ARID1B: variants seen among roughly 807,000 people sequenced by gnomAD.
ARID1B encodes AT-rich interactive domain-containing protein 1B.
In ARID1B, 30 loss-of-function variants were observed where a neutral mutation model predicts 212.3. That is an observed-to-expected ratio of 0.14 (90% CI 0.11 to 0.19). The LOEUF is 0.19. ARID1B is among the 10% of genes least tolerant of loss of function. The probability of loss-of-function intolerance (pLI) is 1.00; values close to 1 mark genes in which losing one functional copy is unlikely to be tolerated. For missense variants in ARID1B, 2,891 were observed against 3,204.0 expected, an observed-to-expected ratio of 0.90 and a Z score of 2.36; for synonymous variants, 1,402 against 1,301.7, an observed-to-expected ratio of 1.08 and a Z score of -1.66.
At chr6:156,799,884 T>C (rs543703698) in intron 1 of ARID1B, among the ~76,000 whole-genome samples, 4 of 152,308 alleles carry the variant, frequency 2.6e-5, no homozygotes, top group South Asian at 2.1e-4. Context: ...AACAGAATCA[T>C]TGAAGAAGCT....
At chr6:157,027,465 T>C (rs954884983) in intron 4 of ARID1B, among the ~76,000 whole-genome samples, 1 of 152,252 alleles carries the variant, frequency 6.6e-6, no homozygotes, top group Non-Finnish European at 1.5e-5. Flanking sequence ...TATTTTAGGA[T>C]AAGAAAGAAG....
intron 7 of ARID1B, among the ~76,000 whole-genome samples, chr6:157,144,483 T>TA (rs1789582434): frequency 1.3e-5 from 2 of 152,222 alleles, no homozygotes; most frequent in African/African-American, 4.8e-5. Flanking sequence ...AATTAATTAC[T>TA]TGTGCATTCA....
At chr6:156,890,066 G>T (rs1454662131) in intron 2 of ARID1B, among the ~76,000 whole-genome samples, 1 of 152,136 alleles carries the variant, frequency 6.6e-6, no homozygotes. Context: ...ATGGATAATA[G>T]ATTCATAATG....
At chr6:157,110,732 G>C (rs1240397938) in intron 6 of ARID1B, 171 bp downstream of exon 6, 2 of 688,802 alleles carry the variant, frequency 2.9e-6, no homozygotes, top group Non-Finnish European at 4.9e-6. Flanking sequence ...GAGGAGGGAG[G>C]ATGCTTTCTT....
intron 11 of ARID1B, among the ~76,000 whole-genome samples, chr6:157,178,065 C>T (rs1181332329): frequency 1.3e-5 from 2 of 152,190 alleles, no homozygotes; most frequent in Non-Finnish European, 1.5e-5. Context: ...GCCCAGTATG[C>T]GAACCATAAG....
chr6:156,947,230 C>A (rs62434292), intron 4 of ARID1B, among the ~76,000 whole-genome samples: 5,975 of 152,160 alleles, frequency 0.039, 138 homozygotes, highest in Middle Eastern at 0.061. Flanking sequence ...GGTTCCTTTC[C>A]TTGGGTAAAG....
At chr6:157,065,003 AGTTT>A (rs1383321646) in intron 4 of ARID1B, among the ~76,000 whole-genome samples, 1 of 152,254 alleles carries the variant, frequency 6.6e-6, no homozygotes, top group Non-Finnish European at 1.5e-5. Context: ...CTACTGGAGT[AGTTT>A]GTTTAACAAA....
intron 4 of ARID1B, among the ~76,000 whole-genome samples, chr6:157,059,891 T>A (rs62424291): frequency 0.044 from 6,663 of 152,266 alleles, 173 homozygotes; most frequent in Middle Eastern, 0.075. Context: ...AGGGGAAAAA[T>A]TTATTTCACT....
chr6:156,813,913 C>T (rs1209599914), intron 1 of ARID1B, among the ~76,000 whole-genome samples: 1 of 152,084 alleles, frequency 6.6e-6, no homozygotes, highest in African/African-American at 2.4e-5. Context: ...CCCTCCAGAC[C>T]CCATCTCAAG....
At chr6:156,862,425 A>G (rs9397976) in intron 2 of ARID1B, among the ~76,000 whole-genome samples, 100,674 of 152,052 alleles carry the variant, frequency 0.66, 33,907 homozygotes, top group African/African-American at 0.76. Flanking sequence ...TGGCACCCCA[A>G]CACTTAAGGG....
chr6:156,956,417 C>G (rs1793985152), intron 4 of ARID1B, among the ~76,000 whole-genome samples: 1 of 152,110 alleles, frequency 6.6e-6, no homozygotes, highest in South Asian at 2.1e-4. Context: ...AAAAAAATTG[C>G]TTCAGACCAG....
intron 7 of ARID1B, among the ~76,000 whole-genome samples, chr6:157,137,545 GT>G (rs954178657): frequency 6.6e-6 from 1 of 152,160 alleles, no homozygotes; most frequent in Non-Finnish European, 1.5e-5. Flanking sequence ...TATCTTGTTT[GT>G]TTTTTGTGTT....
At chr6:157,135,245 G>A (rs1306119617) in intron 7 of ARID1B, among the ~76,000 whole-genome samples, 2 of 152,096 alleles carry the variant, frequency 1.3e-5, no homozygotes, top group East Asian at 3.8e-4. Flanking sequence ...TCTAGAAAAT[G>A]AGAAAATGAG....
intron 5 of ARID1B, among the ~76,000 whole-genome samples, chr6:157,093,597 T>A (rs910356603): frequency 1.3e-5 from 2 of 152,252 alleles, no homozygotes; most frequent in African/African-American, 4.8e-5. Context: ...TGTTTATAAA[T>A]GATATAACTA....
chr6:157,065,703 C>T (rs1464244689), intron 4 of ARID1B, among the ~76,000 whole-genome samples: 1 of 152,110 alleles, frequency 6.6e-6, no homozygotes, highest in African/African-American at 2.4e-5. Flanking sequence ...AGGGAGAATA[C>T]CAAAGAAGAA....
intron 4 of ARID1B, among the ~76,000 whole-genome samples, chr6:157,015,534 C>T (rs924417221): frequency 6.6e-6 from 1 of 152,062 alleles, no homozygotes; most frequent in Non-Finnish European, 1.5e-5. Context: ...AATGAGATTG[C>T]TCAAGAAAAG....
intron 5 of ARID1B, among the ~76,000 whole-genome samples, chr6:157,099,304 T>G (rs1045911650): frequency 6.6e-6 from 1 of 152,162 alleles, no homozygotes; most frequent in Admixed American, 6.5e-5. Context: ...AGTCTAGAAG[T>G]CCGTGCATCA....
intron 5 of ARID1B, chr6:157,108,103 G>C (rs1043589917): frequency 2.0e-5 from 3 of 152,186 alleles, no homozygotes; most frequent in African/African-American, 7.2e-5. Flanking sequence ...ATGGTAGAAA[G>C]ATAGGGAGTA....
intron 3 of ARID1B, among the ~76,000 whole-genome samples, chr6:156,918,962 G>A (rs1023699710): frequency 3.3e-5 from 5 of 152,082 alleles, no homozygotes; most frequent in Non-Finnish European, 7.4e-5. Flanking sequence ...AATTTGCTGC[G>A]TTAACAGTTT....
Sources: gnomAD v4.1 joint callset for allele counts (sites outside exome capture counted in the v4.1 genomes callset) on GRCh38, gnomAD v4.1.1 for gene constraint, MANE v1.5 for transcripts, NCBI Gene and HGNC (gene_info 2026-07-23, HGNC 2026-07-21) for gene names.